EPDR1: variants seen among roughly 807,000 people sequenced by gnomAD.
EPDR1 encodes the protein mammalian ependymin-related protein 1.
Under a neutral mutation model 23.7 loss-of-function variants are expected in EPDR1, and 27 were observed. That is an observed-to-expected ratio of 1.14 (90% confidence interval 0.84 to 1.57). The LOEUF is 1.57. EPDR1 is among the 40% of genes most tolerant of loss of function. The pLI is 0.00. For synonymous variants in EPDR1, 137 were observed against 118.2 expected (o/e 1.16, Z -1.03); for missense variants, 349 against 290.4 (o/e 1.20, Z -1.47).
chr7:37,938,458 C>T (rs950663304), intron 1 of EPDR1, among the ~76,000 whole-genome samples: 1 of 152,148 alleles, frequency 6.6e-6, no homozygotes, highest in Non-Finnish European at 1.5e-5. Flanking sequence ...TCTGGTGAAG[C>T]TTCTGTGGAC....
chr7:37,922,665 T>TGGTGGG (rs145894040), intron 1 of EPDR1, among the ~76,000 whole-genome samples: 2 of 150,054 alleles, frequency 1.3e-5, no homozygotes, highest in Admixed American at 1.3e-4. Context: ...TTGAGGAAGC[T>TGGTGGG]AGGGGGGGGT....
intron 1 of EPDR1, among the ~76,000 whole-genome samples, chr7:37,925,021 A>G (rs1310165002): frequency 6.6e-6 from 1 of 152,248 alleles, no homozygotes; most frequent in African/African-American, 2.4e-5. Flanking sequence ...CCCTGAGATG[A>G]TGGAAAAGAT....
At chr7:37,934,905 A>C (rs1786017806) in intron 1 of EPDR1, among the ~76,000 whole-genome samples, 1 of 152,170 alleles carries the variant, frequency 6.6e-6, no homozygotes, top group Admixed American at 6.5e-5. Flanking sequence ...AAATAATGCC[A>C]TTGCACTCCA....
chr7:37,923,270 T>C (rs915580610), intron 1 of EPDR1, among the ~76,000 whole-genome samples: 5 of 152,032 alleles, frequency 3.3e-5, no homozygotes, highest in African/African-American at 9.7e-5. Context: ...AGGTGAGAGA[T>C]GGGTAGTAGC....
At chr7:37,941,138 T>A (rs570413277) in intron 1 of EPDR1, among the ~76,000 whole-genome samples, 1 of 152,338 alleles carries the variant, frequency 6.6e-6, no homozygotes, top group African/African-American at 2.4e-5. Flanking sequence ...TTGTCATACA[T>A]TGAATAAATA....
In EPDR1 at chr7:37,950,360, C is replaced by T. The variant is rs2132022806; in HGVS notation, c.639C>T (p.Ala213=). The T allele has an allele frequency of 6.2e-7, 1 of 1,613,684 alleles. No homozygotes were observed. The highest frequency in any genetic ancestry group is 2.2e-5 in the East Asian group (1 of 44,850). The change falls in exon 3 of 3, where the codon GCC becomes GCT. Residue 213 remains alanine, a synonymous_variant. Transcript: ENST00000199448. ...VFTPPSTCQM[A]QLEKMSEDCS... ...CCCCTCCAAGCACGTGCCAGATGGC[C>T]CAACTGGAGAAGATGAGCGAAGACT...
intron 1 of EPDR1, among the ~76,000 whole-genome samples, chr7:37,931,368 G>A (rs1244149488): frequency 1.3e-5 from 2 of 152,022 alleles, no homozygotes; most frequent in African/African-American, 2.4e-5. Context: ...ACAAAAATTA[G>A]CCAGGCATGG....
In EPDR1 at chr7:37,950,384, C is replaced by G; in HGVS notation, c.663C>G (p.Asp221Glu). 1 of 1,612,424 alleles carries G rather than the reference C, an allele frequency of 6.2e-7. No homozygotes were observed. Among genetic ancestry groups the G allele is most frequent in the East Asian group, 2.2e-5 (1 of 44,786 alleles). Residue 221 changes from aspartate to glutamate, a missense_variant, in exon 3 of 3, where the codon GAC (aspartate) becomes GAG (glutamate). Asp to Glu is a conservative substitution (Grantham distance 45, BLOSUM62 2). Transcript: ENST00000199448. ...QMAQLEKMSE[D>E]CSW ...CCCAACTGGAGAAGATGAGCGAAGACTGCTCCTGGTGAGCCTGTGCATAGG... is the reference window on the plus strand; with the variant it reads ...CCCAACTGGAGAAGATGAGCGAAGAGTGCTCCTGGTGAGCCTGTGCATAGG...
At position 37,925,628 on chromosome 7, in the gene EPDR1, T is replaced by C. The variant is rs1785797480; in HGVS notation, c.269+4420T>C. ...CAGGGGCATTCATGTTAGACCATGA[T>C]GGAGTGACAACCATGGCTTCTAATC... On this transcript the variant is annotated intron_variant, in intron 1 of 2. Coordinates refer to ENST00000199448, the MANE Select transcript of EPDR1 (RefSeq NM_017549.5). Among the ~76,000 whole-genome samples, 3 of 152,354 alleles carry C rather than the reference T, an allele frequency of 2.0e-5. No individual in the cohort carries two copies. The Middle Eastern group carries it at 0.01, about 518-fold the overall frequency.
At chr7:37,936,021 T>TAC (rs1352941735) in intron 1 of EPDR1, among the ~76,000 whole-genome samples, 1 of 117,332 alleles carries the variant, frequency 8.5e-6, no homozygotes, top group African/African-American at 3.4e-5. Flanking sequence ...TATATATATA[T>TAC]ATATATATAT....
rs55920283 is a variant in EPDR1 at position 37,926,478 on chromosome 7, C to CAAAA, written c.269+5287_269+5290dup. On this transcript the variant is annotated intron_variant, in intron 1 of 2. Transcript: ENST00000199448. ...GTTGTTCTTTGTATGTTCTTCATAG[C>CAAAA]AAAAAAAAAAAAAAAAAAAAGATTT... is the stretch of plus-strand genomic sequence containing the variant. 1.1e-4 allele frequency among the ~76,000 whole-genome samples: 13 copies of CAAAA among 120,444 alleles called. No individual in the cohort carries two copies. In the South Asian group the frequency reaches 1.5e-3, roughly 14 times the overall value. 79.0% of individuals were successfully genotyped at this position (120,444 alleles called of 152,430 possible).
chr7:37,943,674 T>G (rs1332449492), intron 1 of EPDR1, among the ~76,000 whole-genome samples: 1 of 152,208 alleles, frequency 6.6e-6, no homozygotes, highest in African/African-American at 2.4e-5. Context: ...CAACATAACC[T>G]CAATATCAGA....
chr7:37,924,747 C>T (rs1785782926), intron 1 of EPDR1, among the ~76,000 whole-genome samples: 1 of 152,210 alleles, frequency 6.6e-6, no homozygotes, highest in Middle Eastern at 3.2e-3. Context: ...ATGTTTAATG[C>T]ATAAACACAT....
intron 1 of EPDR1, among the ~76,000 whole-genome samples, chr7:37,936,713 A>C (rs1190995811): frequency 6.6e-6 from 1 of 152,128 alleles, no homozygotes; most frequent in African/African-American, 2.4e-5. Context: ...GTCATTTAAA[A>C]CAGCAACAGT....
intron 2 of EPDR1, 88 bp from the exon 3 acceptor site, chr7:37,950,112 A>T: frequency 1.0e-6 from 1 of 959,666 alleles, no homozygotes; most frequent in South Asian, 1.9e-5. Flanking sequence ...GGTAAATTTT[A>T]TGTTATGTAC....
chr7:37,936,327 G>C (rs1786051647), intron 1 of EPDR1, among the ~76,000 whole-genome samples: 1 of 151,986 alleles, frequency 6.6e-6, no homozygotes, highest in Non-Finnish European at 1.5e-5. Flanking sequence ...AGTAGGAACT[G>C]ATGGATGCTT....
intron 1 of EPDR1, among the ~76,000 whole-genome samples, chr7:37,928,293 G>T (rs1463672320): frequency 6.6e-6 from 1 of 151,962 alleles, no homozygotes; most frequent in Non-Finnish European, 1.5e-5. Flanking sequence ...CCAATTAGTG[G>T]TTTGTTTTTC....
rs762560906 is a variant in EPDR1 at position 37,920,655 on chromosome 7, G to A, written c.-285G>A. 6.4e-7 allele frequency: 1 copy of A among 1,573,664 alleles called. No individual in the cohort carries two copies. The highest frequency in any genetic ancestry group is 1.7e-5 in the Admixed American group (1 of 58,684). ...AGCAGTGAGCAGTGAAAACCGAAGC[G>A]GCAGAAGGCAGTGGCAGCAGGCAGT... On this transcript the variant is annotated 5_prime_UTR_variant, in exon 1 of 3. Coordinates refer to ENST00000199448, the MANE Select transcript of EPDR1 (RefSeq NM_017549.5).
At chr7:37,947,705 A>G (rs1343641284) in intron 1 of EPDR1, among the ~76,000 whole-genome samples, 1 of 152,222 alleles carries the variant, frequency 6.6e-6, no homozygotes, top group African/African-American at 2.4e-5. Context: ...TTTCTTGACC[A>G]GCAGCTGTGG....
Sources: gnomAD v4.1 joint callset for allele counts (sites outside exome capture counted in the v4.1 genomes callset) on GRCh38, gnomAD v4.1.1 for gene constraint, MANE v1.5 for transcripts, NCBI Gene and HGNC (gene_info 2026-07-23, HGNC 2026-07-21) for gene names.